The following ZNF569 variants were observed in gnomAD, a reference collection of about 807,000 sequenced individuals.
ZNF569 encodes zinc finger protein 569.
In ZNF569, 38 loss-of-function variants were observed where a neutral mutation model predicts 56.3. The ratio of observed to expected loss-of-function variants is 0.68; its 90% CI spans 0.52 to 0.88. The LOEUF is 0.88. Ranked by LOEUF, ZNF569 falls within the 40% of genes least tolerant of loss-of-function variation. The probability of loss-of-function intolerance (pLI) is 0.00; values close to 1 mark genes in which losing one functional copy is unlikely to be tolerated. For missense variants in ZNF569, 666 were observed against 809.2 expected (o/e 0.82, Z 2.15); for synonymous variants, 241 against 262.9 (o/e 0.92, Z 0.81).
chr19:37,425,692 T>C (rs2041119325), intron 5 of ZNF569, 176 bp downstream of exon 5: 1 of 519,560 alleles, frequency 1.9e-6, no homozygotes, highest in East Asian at 3.2e-5. Flanking sequence ...CCCAAACTCC[T>C]GGACTCAAGC....
intron 3 of ZNF569, among the ~76,000 whole-genome samples, chr19:37,436,567 C>A (rs2041312797): frequency 6.6e-6 from 1 of 151,194 alleles, no homozygotes; most frequent in South Asian, 2.1e-4. Context: ...AAAATGAAAT[C>A]AGCAAACTTT....
In ZNF569 at chr19:37,414,021, G is replaced by A; in HGVS notation, c.637C>T (p.Pro213Ser). The change falls in exon 6 of 6, where the codon CCC becomes TCC. Residue 213 changes from proline to serine, a missense_variant. Physicochemically the swap from Pro to Ser is moderately conservative, Grantham distance 74. Coordinates refer to ENST00000316950, the MANE Select transcript of ZNF569 (RefSeq NM_152484.3). ...RHLRIHTGEK[P>S]YECSNCRKAF... ...TTTCTACAGTTACTACATTCATAGG[G>A]CTTCTCTCCAGTATGAATTCTCAGA... 1 of 1,613,414 alleles carries A rather than the reference G, an allele frequency of 6.2e-7. No homozygotes were observed. The highest frequency in any genetic ancestry group is 8.5e-7 in the Non-Finnish European group (1 of 1,179,834).
At chr19:37,434,693 T>C (rs112883412) in intron 3 of ZNF569, among the ~76,000 whole-genome samples, 9 of 152,356 alleles carry the variant, frequency 5.9e-5, no homozygotes, top group African/African-American at 2.2e-4. Flanking sequence ...AAAATAGCCT[T>C]AACTGACGAC....
At chr19:37,469,230 G>C (rs2041909225), upstream of ZNF569, 5 of 1,358,432 alleles carry the variant, frequency 3.7e-6, no homozygotes, top group Admixed American at 1.3e-4. Context: ...GCGCGGAGCT[G>C]CACCGCTGCT....
intron 3 of ZNF569, among the ~76,000 whole-genome samples, chr19:37,441,808 C>T (rs915238497): frequency 1.1e-4 from 17 of 152,176 alleles, no homozygotes; most frequent in Non-Finnish European, 1.5e-5. Flanking sequence ...CTTGGACCAT[C>T]ACTGAGCTGT....
chr19:37,448,454 C>T (rs1292858723), intron 2 of ZNF569, among the ~76,000 whole-genome samples: 2 of 144,740 alleles, frequency 1.4e-5, no homozygotes, highest in Non-Finnish European at 3.0e-5. Context: ...CAATTTGTTT[C>T]TTTTTTTCAA....
chr19:37,439,853 T>C (rs553365044), intron 3 of ZNF569, among the ~76,000 whole-genome samples: 4 of 152,264 alleles, frequency 2.6e-5, no homozygotes, highest in African/African-American at 9.6e-5. Context: ...AGCTAAAAAT[T>C]AAAACAACGG....
intron 3 of ZNF569, among the ~76,000 whole-genome samples, chr19:37,435,877 T>G (rs1012343805): frequency 2.6e-5 from 4 of 152,146 alleles, no homozygotes; most frequent in Admixed American, 2.0e-4. Flanking sequence ...AAGAGAGAGA[T>G]AGACCCAATA....
intron 2 of ZNF569, among the ~76,000 whole-genome samples, chr19:37,452,487 A>T (rs898903373): frequency 1.3e-5 from 2 of 152,112 alleles, no homozygotes; most frequent in Non-Finnish European, 2.9e-5. Flanking sequence ...AGGCAGGTCT[A>T]GTGGTGATGC....
At chr19:37,439,151 A>G (rs1600321654) in intron 3 of ZNF569, among the ~76,000 whole-genome samples, 1 of 151,798 alleles carries the variant, frequency 6.6e-6, no homozygotes. Context: ...GCTCACTGAA[A>G]CCTCCGCCTC....
At chr19:37,454,995 T>C in intron 2 of ZNF569, 1 of 617,014 alleles carries the variant, frequency 1.6e-6, no homozygotes, top group Non-Finnish European at 2.9e-6. Context: ...AGTTTGTCCA[T>C]TTCCTTGTTG....
chr19:37,423,523 T>G lies in ZNF569; in HGVS notation c.238+2345A>C, dbSNP rs558514037. Among the ~76,000 whole-genome samples, 6 of 152,314 alleles carry G rather than the reference T, an allele frequency of 3.9e-5. No individual in the cohort carries two copies. The South Asian group carries it at 1.2e-3, about 32-fold the overall frequency. ...AAACATAATTGAACCATATACATTT[T>G]AAAAATTGTGATAATCTCCTATAGG... On this transcript the variant is annotated intron_variant, in intron 5 of 5. Coordinates refer to ENST00000316950, the MANE Select transcript of ZNF569 (RefSeq NM_152484.3).
chr19:37,435,702 G>C lies in ZNF569; in HGVS notation c.15+9205C>G, dbSNP rs528055897. Among the ~76,000 whole-genome samples the C allele has an allele frequency of 3.7e-4, 56 of 152,196 alleles. 2 individuals carry two copies. In the South Asian group the frequency reaches 0.011, roughly 31 times the overall value. On this transcript the variant is annotated intron_variant, in intron 3 of 5. Transcript: ENST00000316950. ...TGGAAACCAAAAAAGAGCTGGACTAGCTATAGACAAAATAGACTTCAAGAC... is the reference window on the plus strand; with the variant it reads ...TGGAAACCAAAAAAGAGCTGGACTACCTATAGACAAAATAGACTTCAAGAC...
At chr19:37,428,551 T>C (rs1048894885) in intron 3 of ZNF569, among the ~76,000 whole-genome samples, 13 of 139,268 alleles carry the variant, frequency 9.3e-5, no homozygotes, top group African/African-American at 3.2e-4. Context: ...AAAAAGCTGA[T>C]AGTTTAAGAA....
At chr19:37,425,770 A>G in intron 5 of ZNF569, 98 bp downstream of exon 5, 1 of 1,062,490 alleles carries the variant, frequency 9.4e-7, no homozygotes, top group Non-Finnish European at 1.4e-6. Context: ...AACCTCTGAA[A>G]ATATCTTTGA....
chr19:37,428,346 A>AT (rs942313630), intron 3 of ZNF569, among the ~76,000 whole-genome samples: 6 of 150,890 alleles, frequency 4.0e-5, no homozygotes, highest in African/African-American at 9.8e-5. Context: ...TCTACAATAA[A>AT]TGAATGAATG....
chr19:37,468,676 T>G (rs2041894775), upstream of ZNF569, among the ~76,000 whole-genome samples: 1 of 152,162 alleles, frequency 6.6e-6, no homozygotes, highest in South Asian at 2.1e-4. Flanking sequence ...CGGCTAATTT[T>G]TTTGTATTTT....
In ZNF569 at chr19:37,418,056, G is replaced by A. The variant is rs192487389; in HGVS notation, c.239-3637C>T. 5.9e-3 allele frequency among the ~76,000 whole-genome samples: 890 copies of A among 151,436 alleles called. 10 individuals are homozygous for A. Among genetic ancestry groups the A allele is most frequent in the African/African-American group, 0.021 (848 of 41,202 alleles). ...GCGGAGGTTGCAGTGAGCCAAGATC[G>A]CGCCACTGTACTCCAGCCTGGGTAA... On this transcript the variant is annotated intron_variant, in intron 5 of 5. Coordinates refer to ENST00000316950, the MANE Select transcript of ZNF569 (RefSeq NM_152484.3).
chr19:37,420,146 C>T (rs191082637), intron 5 of ZNF569, among the ~76,000 whole-genome samples: 15 of 151,848 alleles, frequency 9.9e-5, no homozygotes, highest in Admixed American at 3.3e-4. Context: ...GCCACCACGC[C>T]AGGCTAATTT....
Sources: allele counts gnomAD v4.1 joint callset (sites outside exome capture counted in the v4.1 genomes callset), GRCh38; gene constraint gnomAD v4.1.1; transcripts MANE v1.5; gene names NCBI Gene and HGNC (gene_info 2026-07-23, HGNC 2026-07-21).